The following PDK1 variants were observed in gnomAD, a reference collection of about 807,000 sequenced individuals.
PDK1 encodes pyruvate dehydrogenase kinase 1, also known as [Pyruvate dehydrogenase (acetyl-transferring)] kinase isozyme 1, mitochondrial.
A neutral mutation model predicts 54.2 loss-of-function variants in PDK1; 39 were observed. That is an observed-to-expected ratio of 0.72 (90% CI 0.56 to 0.94). The LOEUF (loss-of-function observed/expected upper bound fraction) is 0.94. Ranked by LOEUF, PDK1 falls within the 40% of genes least tolerant of loss-of-function variation. The pLI is 0.00. For synonymous variants in PDK1, 221 were observed against 207.1 expected (o/e 1.07, Z -0.58); for missense variants, 552 against 566.0 (o/e 0.98, Z 0.25).
the PDK1 span, among the ~76,000 whole-genome samples, chr2:172,666,714 G>A: frequency 7.0e-4 from 107 of 152,260 alleles, no homozygotes; most frequent in African/African-American, 2.5e-3. Flanking sequence ...AGGTGACCGG[G>A]GTGACTAAGG....
At chr2:172,591,958 C>T (rs1283473614) in intron 9 of PDK1, among the ~76,000 whole-genome samples, 1 of 152,304 alleles carries the variant, frequency 6.6e-6, no homozygotes, top group Middle Eastern at 3.4e-3. Context: ...CAATAGTTTC[C>T]TTATTACTTA....
intron 1 of PDK1, 136 bp downstream of exon 1, chr2:172,556,482 C>A: frequency 1.8e-6 from 1 of 556,792 alleles, no homozygotes; most frequent in Non-Finnish European, 2.8e-6. Flanking sequence ...CCGCCCCCAG[C>A]GCCTTAGGTG....
chr2:172,605,458 G>A lies in PDK1; in HGVS notation c.*9489G>A, dbSNP rs77271607. The A allele has an allele frequency of 0.044, 6,558 of 148,018 alleles. 287 individuals are homozygous for A. The highest frequency in any genetic ancestry group is 0.21 in the East Asian group (1,065 of 4,994). The allele number at this position is 148,018 out of a possible 1,614,324, so 9.2% of individuals were successfully genotyped here. ...TGGTGTGATCTCAGCTCAGTGCAGC[G>A]TCTGCTTCCTGGGTTCAAGTGATTC... On this transcript the variant is annotated 3_prime_UTR_variant, in exon 11 of 11. Coordinates refer to ENST00000282077, the MANE Select transcript of PDK1 (RefSeq NM_002610.5).
chr2:172,643,249 G>A, the PDK1 span, among the ~76,000 whole-genome samples: 3 of 152,220 alleles, frequency 2.0e-5, no homozygotes, highest in Non-Finnish European at 2.9e-5. Context: ...TTGCCATGTA[G>A]CTGTCACCTC....
chr2:172,689,126 C>T, the PDK1 span, among the ~76,000 whole-genome samples: 3 of 152,152 alleles, frequency 2.0e-5, no homozygotes, highest in Non-Finnish European at 2.9e-5. Flanking sequence ...GCTGATTGGT[C>T]CATTTTACAG....
the PDK1 span, among the ~76,000 whole-genome samples, chr2:172,701,018 G>A: frequency 6.6e-6 from 1 of 152,014 alleles, no homozygotes; most frequent in Non-Finnish European, 1.5e-5. Flanking sequence ...GAGGGAGAGG[G>A]AGGAGAGGAG....
chr2:172,703,217 T>C, the PDK1 span, among the ~76,000 whole-genome samples: 1 of 151,896 alleles, frequency 6.6e-6, no homozygotes, highest in East Asian at 1.9e-4. Flanking sequence ...GGGAGTTGAG[T>C]TGAAAGAGTC....
At chr2:172,669,907 C>A in the PDK1 span, among the ~76,000 whole-genome samples, 1 of 152,112 alleles carries the variant, frequency 6.6e-6, no homozygotes, top group South Asian at 2.1e-4. Context: ...ATATTAACAC[C>A]TTATCTGATG....
At chr2:172,574,932 G>C (rs1005588181) in intron 8 of PDK1, among the ~76,000 whole-genome samples, 1 of 152,186 alleles carries the variant, frequency 6.6e-6, no homozygotes, top group Admixed American at 6.5e-5. Context: ...AGACATCCTT[G>C]TCTTTTTTCT....
At chr2:172,714,478 C>CA in the PDK1 span, among the ~76,000 whole-genome samples, 1 of 151,874 alleles carries the variant, frequency 6.6e-6, no homozygotes, top group Non-Finnish European at 1.5e-5. Context: ...TTTTCTGTAT[C>CA]AAAAATATGC....
At chr2:172,620,394 TA>T in the PDK1 span, among the ~76,000 whole-genome samples, 1 of 152,002 alleles carries the variant, frequency 6.6e-6, no homozygotes. Flanking sequence ...GTGATCAAGA[TA>T]GAGGGGACGG....
At chr2:172,703,762 C>CTTT in the PDK1 span, among the ~76,000 whole-genome samples, 1 of 103,254 alleles carries the variant, frequency 9.7e-6, no homozygotes, top group African/African-American at 4.3e-5. Flanking sequence ...TTCTTTCTTT[C>CTTT]TTTCTTTTTT....
chr2:172,699,747 T>G, the PDK1 span, among the ~76,000 whole-genome samples: 1 of 149,608 alleles, frequency 6.7e-6, no homozygotes, highest in Non-Finnish European at 1.5e-5. Context: ...TTTCTTTTTC[T>G]TTTTTTATTA....
chr2:172,694,440 T>A, the PDK1 span, among the ~76,000 whole-genome samples: 1 of 152,186 alleles, frequency 6.6e-6, no homozygotes, highest in African/African-American at 2.4e-5. Context: ...ATAACATTGA[T>A]GAGAAAAAAA....
chr2:172,569,979 C>T (rs1030117731), intron 7 of PDK1, among the ~76,000 whole-genome samples: 2 of 152,190 alleles, frequency 1.3e-5, no homozygotes, highest in East Asian at 1.9e-4. Flanking sequence ...TACATAATGT[C>T]AGTAATAATG....
At chr2:172,705,393 T>A in the PDK1 span, among the ~76,000 whole-genome samples, 1 of 152,242 alleles carries the variant, frequency 6.6e-6, no homozygotes, top group African/African-American at 2.4e-5. Flanking sequence ...CTTGACATTT[T>A]AAGTCTACGC....
chr2:172,563,676 A>C (rs903600727), intron 3 of PDK1, among the ~76,000 whole-genome samples: 3 of 152,190 alleles, frequency 2.0e-5, no homozygotes, highest in Admixed American at 6.5e-5. Context: ...TCTACTAAAA[A>C]TACAAAATTA....
At position 172,565,070 on chromosome 2, in the gene PDK1, A is replaced by G. The variant is rs755860725; in HGVS notation, c.688A>G (p.Lys230Glu). Residue 230 changes from lysine (K) to glutamate (E), a missense_variant, in exon 5 of 11, where the codon AAA (lysine) becomes GAA (glutamate). Coordinates refer to ENST00000282077, the MANE Select transcript of PDK1 (RefSeq NM_002610.5). ...AAACTGCAATGTACTTGAAGTTATT[A>G]AAGGTAAATACTGACATTTCTCCTT... ...NPNCNVLEVIKDGYENARRLC... is the reference protein window; with the variant it reads ...NPNCNVLEVIEDGYENARRLC... 7.1e-6 allele frequency: 11 copies of G among 1,548,626 alleles called. No homozygotes were observed. In the East Asian group the frequency reaches 2.0e-4, roughly 28 times the overall value.
At chr2:172,653,128 G>A in the PDK1 span, among the ~76,000 whole-genome samples, 39 of 152,098 alleles carry the variant, frequency 2.6e-4, no homozygotes, top group Non-Finnish European at 4.6e-4. Flanking sequence ...CAGAGATATA[G>A]ACCAATGGAA....
Sources: allele counts gnomAD v4.1 joint callset (sites outside exome capture counted in the v4.1 genomes callset), GRCh38; gene constraint gnomAD v4.1.1; transcripts MANE v1.5; gene names NCBI Gene and HGNC (gene_info 2026-07-23, HGNC 2026-07-21).